DYRK1A: variants seen among roughly 807,000 people sequenced by gnomAD.
DYRK1A encodes dual specificity tyrosine-phosphorylation-regulated kinase 1A.
DYRK1A carries 9 observed loss-of-function variants against 79.7 expected under a neutral mutation model. The observed-to-expected ratio is 0.11, with a 90% CI of 0.07 to 0.20. The LOEUF (loss-of-function observed/expected upper bound fraction) is 0.20, where lower values mean the gene tolerates loss of function less well. Ranked by LOEUF, DYRK1A falls within the 10% of genes least tolerant of loss-of-function variation. The pLI is 1.00. For missense variants in DYRK1A, 622 were observed against 956.0 expected (o/e 0.65, Z 4.61); for synonymous variants, 349 against 329.7 (o/e 1.06, Z -0.63).
chr21:37,458,529 G>C (rs2051734893), intron 2 of DYRK1A, among the ~76,000 whole-genome samples: 11 of 151,982 alleles, frequency 7.2e-5, no homozygotes, highest in Admixed American at 7.2e-4. Flanking sequence ...ACAAGGGAGA[G>C]GAGTACTTTG....
rs546309476 is a variant in DYRK1A, at chr21:37,366,782, G to T, written c.-923G>T. On this transcript the variant is annotated 5_prime_UTR_variant, in exon 1 of 12. Transcript: ENST00000647188. Reference sequence around the variant, plus strand: ...TGACAGTTGCTATAGCGACCGGGTCGGTCCGTCGCCATTTTGTTGGTTGGT... The same window carrying T: ...TGACAGTTGCTATAGCGACCGGGTCTGTCCGTCGCCATTTTGTTGGTTGGT... Among the ~76,000 whole-genome samples the T allele has an allele frequency of 6.6e-6, 1 of 151,982 alleles. No individual in the cohort carries two copies. Among genetic ancestry groups the T allele is most frequent in the African/African-American group, 2.4e-5 (1 of 41,404 alleles).
intron 6 of DYRK1A, chr21:37,488,921 A>T (rs556210558): frequency 2.1e-6 from 2 of 936,564 alleles, no homozygotes; most frequent in Non-Finnish European, 1.3e-6. Context: ...CTAAGAGCAG[A>T]TATTTTACAT....
chr21:37,505,707 T>C, intron 10 of DYRK1A, 118 bp downstream of exon 10: 1 of 1,124,902 alleles, frequency 8.9e-7, no homozygotes, highest in African/African-American at 1.6e-5. Context: ...TTACTTTACT[T>C]AAATCTGTTC....
At chr21:37,491,153 G>C (rs2053079658) in intron 7 of DYRK1A, among the ~76,000 whole-genome samples, 1 of 151,888 alleles carries the variant, frequency 6.6e-6, no homozygotes, top group East Asian at 1.9e-4. Context: ...ATCCAAGCTG[G>C]TTTTTTTCAG....
In DYRK1A at chr21:37,378,021, C is replaced by T. The variant is rs115056548; in HGVS notation, c.-77+10393C>T. On this transcript the variant is annotated intron_variant, in intron 1 of 11. Transcript: ENST00000647188. The stretch of plus-strand genomic sequence containing the variant: ...GAAAAGTAGCAGTAGTTTATGCTTT[C>T]ACCAGCAGTGTCTGAGAGTGTATAG... Among the ~76,000 whole-genome samples the T allele has an allele frequency of 9.0e-3, 1,375 of 152,256 alleles. 19 individuals carry two copies. The highest frequency in any genetic ancestry group is 0.032 in the African/African-American group (1,319 of 41,536).
chr21:37,486,386 T>C (rs2052866055), intron 5 of DYRK1A, 81 bp from the exon 6 acceptor site: 1 of 1,097,032 alleles, frequency 9.1e-7, no homozygotes. Context: ...ATTAGGTAAA[T>C]GTTATAATTA....
chr21:37,387,101 G>T (rs764235200), intron 1 of DYRK1A, among the ~76,000 whole-genome samples: 2 of 152,168 alleles, frequency 1.3e-5, no homozygotes, highest in Admixed American at 6.5e-5. Flanking sequence ...GTGTGCAAGT[G>T]GGTTCTGAAC....
At chr21:37,494,945 T>TA (rs11312263) in intron 8 of DYRK1A, among the ~76,000 whole-genome samples, 17 of 145,616 alleles carry the variant, frequency 1.2e-4, no homozygotes, top group South Asian at 4.4e-4. Context: ...AAGACTCCAT[T>TA]AAAAAAAAAA....
In DYRK1A at chr21:37,483,012, C is replaced by G. The variant is rs529574035; in HGVS notation, c.489+2186C>G. Among the ~76,000 whole-genome samples, 3 of 152,192 alleles carry G rather than the reference C, an allele frequency of 2.0e-5. No individual in the cohort carries two copies. The South Asian group carries it at 6.2e-4, about 32-fold the overall frequency. On this transcript the variant is annotated intron_variant, in intron 5 of 11. Transcript: ENST00000647188. ...TTCATATTGTTCAAACACACATGCT[C>G]TACAATTTGTGCAGTTAATGCAATC...
chr21:37,415,332 T>C (rs1219210516), intron 1 of DYRK1A, among the ~76,000 whole-genome samples: 2 of 152,218 alleles, frequency 1.3e-5, no homozygotes, highest in Admixed American at 6.5e-5. Flanking sequence ...CAAAATGCCA[T>C]TGGAGTAGTA....
In DYRK1A at chr21:37,398,746, A is replaced by G. The variant is rs16995056; in HGVS notation, c.-76-21553A>G. On this transcript the variant is annotated intron_variant, in intron 1 of 11. Coordinates refer to ENST00000647188, the MANE Select transcript of DYRK1A (RefSeq NM_001347721.2). ...GTAGAGGAGAGAAGACTTAAAAACT[A>G]TTCATTATAATGTCCTTAAGAATCA... Among the ~76,000 whole-genome samples, 1,072 of 152,274 alleles carry G rather than the reference A, an allele frequency of 7.0e-3. 13 individuals are homozygous for G. Among genetic ancestry groups the G allele is most frequent in the African/African-American group, 0.025 (1,029 of 41,542 alleles).
chr21:37,375,635 C>T (rs2049524088), intron 1 of DYRK1A, among the ~76,000 whole-genome samples: 1 of 146,100 alleles, frequency 6.8e-6, no homozygotes, highest in Admixed American at 7.1e-5. Flanking sequence ...CAGCAATTCT[C>T]CTGCCTCAGC....
chr21:37,442,324 T>C (rs560147339), intron 2 of DYRK1A, among the ~76,000 whole-genome samples: 5 of 152,130 alleles, frequency 3.3e-5, no homozygotes, highest in Non-Finnish European at 7.4e-5. Context: ...GTCAGGAACT[T>C]TAGTTACATG....
In DYRK1A at chr21:37,512,093, C is replaced by G. The variant is rs764279727; in HGVS notation, c.1827C>G (p.His609Gln). 8 of 1,614,016 alleles carry G rather than the reference C, an allele frequency of 5.0e-6. No individual in the cohort carries two copies. The highest frequency in any genetic ancestry group is 6.8e-6 in the Non-Finnish European group (8 of 1,180,026). The part of the protein sequence containing the change: ...HHHHHHHHHH[H>Q]HGQQALGNRT... ...ACCACCACCACCACCATCACCACCA[C>G]CATGGACAACAAGCCTTGGGTAACC... The change falls in exon 12 of 12, where the codon CAC (histidine) becomes CAG (glutamine). Residue 609 changes from histidine to glutamine, a missense_variant. Physicochemically the swap from His to Gln is conservative, Grantham distance 24 (BLOSUM62 0). This residue lies in a region of DYRK1A where 292 missense variants were observed against 316.7 expected (regional missense o/e 0.92). Coordinates refer to ENST00000647188, the MANE Select transcript of DYRK1A (RefSeq NM_001347721.2).
At position 37,512,150 on chromosome 21, in the gene DYRK1A, G is replaced by A. The variant is rs772393566; in HGVS notation, c.1884G>A (p.Thr628=). The change falls in exon 12 of 12, where the codon ACG becomes ACA. Residue 628 remains threonine, a synonymous_variant. Coordinates refer to ENST00000647188, the MANE Select transcript of DYRK1A (RefSeq NM_001347721.2). ...RTRPRVYNSP[T]NSSSTQDSME... ...GGCCAAGGGTCTACAATTCTCCAAC[G>A]AATAGCTCCTCTACCCAAGATTCTA... 5.6e-6 allele frequency: 9 copies of A among 1,614,090 alleles called. No individual in the cohort carries two copies. The highest frequency in any genetic ancestry group is 7.6e-6 in the Non-Finnish European group (9 of 1,180,024).
Position 37,522,459 on chromosome 21 carries a change from G to A in DYRK1A, c.*9928G>A, listed in dbSNP as rs1423167510. 1 of 152,100 alleles carries A rather than the reference G, an allele frequency of 6.6e-6. No homozygotes were observed. Among genetic ancestry groups the A allele is most frequent in the African/African-American group, 2.4e-5 (1 of 41,370 alleles). 9.4% of individuals were successfully genotyped at this position (152,100 alleles called of 1,614,324 possible). On this transcript the variant is annotated 3_prime_UTR_variant, in exon 12 of 12. Transcript: ENST00000647188. Reference sequence around the variant, plus strand: ...GTTCTCCACGCTGACCTTGACTTTCGAGATCACATACCAAGACCTTCAGCT... The same window carrying A: ...GTTCTCCACGCTGACCTTGACTTTCAAGATCACATACCAAGACCTTCAGCT...
Position 37,505,668 on chromosome 21 carries a change from A to C in DYRK1A, c.1519+79A>C, listed in dbSNP as rs1385931709. ...GAAGTGGGATTATTTTAAAGTGTTG[A>C]TTAAATTTGTTAATAGAGTGGGGAG... On this transcript the variant is annotated intron_variant, in intron 10 of 11. Transcript: ENST00000647188. 9 of 1,445,470 alleles carry C rather than the reference A, an allele frequency of 6.2e-6. No homozygotes were observed. The Admixed American group carries it at 1.8e-4, about 29-fold the overall frequency. The allele number at this position is 1,445,470 out of a possible 1,614,324, so 89.5% of individuals were successfully genotyped here. A position where few individuals can be genotyped will look rare whatever the true frequency, so the allele number is the denominator to read the frequency against.
rs188513657 is a variant in DYRK1A, at chr21:37,448,333, T to A, written c.11-24351T>A. Among the ~76,000 whole-genome samples, 10 of 152,276 alleles carry A rather than the reference T, an allele frequency of 6.6e-5. No homozygotes were observed. The East Asian group carries it at 7.7e-4, about 12-fold the overall frequency. ...TATTTTAAATTTTTACAATTTTTTT[T>A]AAAAACTCTTGTTCTGGTGGAGGGT... On this transcript the variant is annotated intron_variant, in intron 2 of 11. Coordinates refer to ENST00000647188, the MANE Select transcript of DYRK1A (RefSeq NM_001347721.2).
intron 9 of DYRK1A, chr21:37,502,704 C>T (rs868458701): frequency 6.6e-5 from 10 of 152,088 alleles, no homozygotes; most frequent in Non-Finnish European, 7.4e-5. Flanking sequence ...TGGTGTTATT[C>T]ATTCCTTTTT....
Sources: gnomAD v4.1 joint callset for allele counts (sites outside exome capture counted in the v4.1 genomes callset) on GRCh38, gnomAD v4.1.1 for gene constraint, gnomAD v4.1.1 regional missense constraint, MANE v1.5 for transcripts, NCBI Gene and HGNC (gene_info 2026-07-23, HGNC 2026-07-21) for gene names.